TRDN: variants seen among roughly 807,000 people sequenced by gnomAD.
The protein encoded by TRDN is triadin in skeletal muscle.
Under a neutral mutation model 149.7 loss-of-function variants are expected in TRDN, and 161 were observed. The ratio of observed to expected loss-of-function variants is 1.08; its 90% confidence interval spans 0.95 to 1.23. The LOEUF (loss-of-function observed/expected upper bound fraction) is 1.23. Ranked by LOEUF, TRDN falls within the 50% of genes most tolerant of loss-of-function variation. TRDN has a pLI of 0.00. For missense variants in TRDN, 896 were observed against 823.5 expected (o/e 1.09, Z -1.08); for synonymous variants, 294 against 250.5 (o/e 1.17, Z -1.64).
At position 123,247,300 on chromosome 6, in the gene TRDN, A is replaced by C. The variant is rs1437456617; in HGVS notation, c.1975+5112T>G. On this transcript the variant is annotated intron_variant, in intron 38 of 40. Coordinates refer to ENST00000334268, the MANE Select transcript of TRDN (RefSeq NM_006073.4). The stretch of plus-strand genomic sequence containing the variant: ...AGCATATTTTAATAGGAAGAGAAGA[A>C]GTCAAATTGTCTCTGTTTGCAGATG... 3.3e-5 allele frequency among the ~76,000 whole-genome samples: 5 copies of C among 152,348 alleles called. No homozygotes were observed. The East Asian group carries it at 9.6e-4, about 29-fold the overall frequency.
At chr6:123,242,479 C>G (rs1332522186) in intron 38 of TRDN, among the ~76,000 whole-genome samples, 1 of 151,812 alleles carries the variant, frequency 6.6e-6, no homozygotes, top group Non-Finnish European at 1.5e-5. Flanking sequence ...AATAAAGATA[C>G]AGAATAAAAA....
intron 24 of TRDN, among the ~76,000 whole-genome samples, chr6:123,303,129 G>A (rs568493972): frequency 6.6e-6 from 1 of 152,150 alleles, no homozygotes; most frequent in East Asian, 1.9e-4. Context: ...AAATCACTTA[G>A]AAGTTAAATG....
chr6:123,523,854 TG>T (rs2114300771), intron 5 of TRDN, among the ~76,000 whole-genome samples: 1 of 152,198 alleles, frequency 6.6e-6, no homozygotes, highest in East Asian at 1.9e-4. Flanking sequence ...TGGTGGAGAC[TG>T]TCGTAAACAG....
chr6:123,219,125 A>G (rs995954403), intron 40 of TRDN, among the ~76,000 whole-genome samples: 1 of 151,910 alleles, frequency 6.6e-6, no homozygotes, highest in East Asian at 1.9e-4. Flanking sequence ...TGAGCTTATC[A>G]ATATGCAAAG....
intron 23 of TRDN, among the ~76,000 whole-genome samples, chr6:123,323,612 CA>C (rs1288492545): frequency 6.6e-6 from 1 of 152,172 alleles, no homozygotes; most frequent in African/African-American, 2.4e-5. Flanking sequence ...CCTTCCTTGG[CA>C]AAATTCCCAA....
chr6:123,330,455 A>T (rs1779614597), intron 23 of TRDN, among the ~76,000 whole-genome samples: 1 of 152,044 alleles, frequency 6.6e-6, no homozygotes, highest in Non-Finnish European at 1.5e-5. Context: ...TTAACATAAC[A>T]TATATGAATC....
At chr6:123,511,997 T>TA (rs923266430) in intron 7 of TRDN, among the ~76,000 whole-genome samples, 2 of 151,340 alleles carry the variant, frequency 1.3e-5, no homozygotes, top group African/African-American at 4.9e-5. Flanking sequence ...CAATTTTTTT[T>TA]TTTTTTTTGC....
intron 10 of TRDN, among the ~76,000 whole-genome samples, chr6:123,452,066 C>G (rs1375651599): frequency 6.6e-6 from 1 of 152,042 alleles, no homozygotes; most frequent in Non-Finnish European, 1.5e-5. Flanking sequence ...GATTAAAACT[C>G]TCAGCAAAAT....
chr6:123,491,617 A>G (rs1778222059), intron 9 of TRDN, among the ~76,000 whole-genome samples: 2 of 152,200 alleles, frequency 1.3e-5, no homozygotes, highest in Admixed American at 1.3e-4. Flanking sequence ...ATTAGAATGT[A>G]TATTTTCTAT....
At chr6:123,471,393 C>A (rs1015718525) in intron 9 of TRDN, 3 of 152,236 alleles carry the variant, frequency 2.0e-5, no homozygotes, top group Non-Finnish European at 4.4e-5. Context: ...TAGAAGATCA[C>A]CAGTGAAGAA....
rs553347614 is a variant in TRDN, at chr6:123,222,495, A to T, written c.2015-973T>A. Among the ~76,000 whole-genome samples the T allele has an allele frequency of 3.3e-3, 505 of 151,548 alleles. 2 individuals carry two copies. The highest frequency in any genetic ancestry group is 5.2e-3 in the Non-Finnish European group (353 of 67,720). Reference sequence around the variant, plus strand: ...TGGCTAGTCTTAATTCAATTTAAAAAATATATATATAAAATATAGTATTCA... The same window carrying T: ...TGGCTAGTCTTAATTCAATTTAAAATATATATATATAAAATATAGTATTCA... On this transcript the variant is annotated intron_variant, in intron 39 of 40. Transcript: ENST00000334268.
At chr6:123,320,402 C>T (rs991396661) in intron 23 of TRDN, among the ~76,000 whole-genome samples, 1 of 151,878 alleles carries the variant, frequency 6.6e-6, no homozygotes, top group Non-Finnish European at 1.5e-5. Context: ...TTCCCTAATA[C>T]ATGATAGTGC....
At chr6:123,515,645 G>A (rs1779376928) in intron 6 of TRDN, among the ~76,000 whole-genome samples, 1 of 151,928 alleles carries the variant, frequency 6.6e-6, no homozygotes, top group Non-Finnish European at 1.5e-5. Flanking sequence ...ACTGTATGTG[G>A]GTTTGGCATG....
At chr6:123,234,459 GAA>G (rs1476534313) in intron 38 of TRDN, among the ~76,000 whole-genome samples, 2 of 152,098 alleles carry the variant, frequency 1.3e-5, no homozygotes, top group African/African-American at 4.8e-5. Flanking sequence ...TATTAGTTGA[GAA>G]TGGTTTTGCT....
intron 1 of TRDN, among the ~76,000 whole-genome samples, chr6:123,598,059 C>T (rs1784116300): frequency 6.6e-6 from 1 of 152,074 alleles, no homozygotes; most frequent in African/African-American, 2.4e-5. Context: ...CATGGCTCCA[C>T]AGCAAAAGGT....
chr6:123,633,959 A>T (rs61118369), intron 1 of TRDN, among the ~76,000 whole-genome samples: 9,717 of 152,082 alleles, frequency 0.064, 1,007 homozygotes, highest in African/African-American at 0.22. Context: ...TTGTCTTCCC[A>T]AAACTTGAGA....
intron 1 of TRDN, among the ~76,000 whole-genome samples, chr6:123,599,003 C>A (rs973924444): frequency 6.6e-6 from 1 of 151,948 alleles, no homozygotes; most frequent in African/African-American, 2.4e-5. Flanking sequence ...ATCTGCACCT[C>A]GGTGTTCTCT....
intron 21 of TRDN, among the ~76,000 whole-genome samples, chr6:123,349,092 T>C (rs1780358727): frequency 6.6e-6 from 1 of 152,094 alleles, no homozygotes; most frequent in African/African-American, 2.4e-5. Context: ...ATTAAAGGAA[T>C]AGTGTTAGTG....
intron 1 of TRDN, among the ~76,000 whole-genome samples, chr6:123,603,403 CT>C (rs963380852): frequency 2.6e-5 from 4 of 151,178 alleles, no homozygotes; most frequent in East Asian, 1.9e-4. Flanking sequence ...CTGTTTTACT[CT>C]TTTTTTTTCT....
Sources: allele counts gnomAD v4.1 joint callset (sites outside exome capture counted in the v4.1 genomes callset), GRCh38; gene constraint gnomAD v4.1.1; transcripts MANE v1.5; gene names NCBI Gene and HGNC (gene_info 2026-07-23, HGNC 2026-07-21).